Variants in AK9 observed in about 807,000 individuals in gnomAD.
AK9 encodes the protein adenylate kinase 9.
A neutral mutation model predicts 239.6 loss-of-function variants in AK9; 191 were observed. That is an observed-to-expected ratio of 0.80 (90% CI 0.71 to 0.90). The LOEUF is 0.90. AK9 is among the 40% of genes least tolerant of loss of function. The pLI is 0.00. For missense variants in AK9, 1,995 were observed against 2,214.7 expected (o/e 0.90, Z 1.99); for synonymous variants, 689 against 721.0 (o/e 0.96, Z 0.71).
At chr6:109,606,820 AAAATAATTT>A (rs1792945736) in intron 17 of AK9, among the ~76,000 whole-genome samples, 1 of 152,226 alleles carries the variant, frequency 6.6e-6, no homozygotes, top group Admixed American at 6.5e-5. Context: ...TGGTATGAAC[AAAATAATTT>A]CTGTGCATTC....
intron 8 of AK9, among the ~76,000 whole-genome samples, chr6:109,653,155 G>A (rs544875205): frequency 9.7e-4 from 148 of 152,266 alleles, no homozygotes; most frequent in African/African-American, 3.5e-3. Context: ...TCAAACTCCT[G>A]ACTTCAGGTG....
chr6:109,671,920 A>G lies in AK9; in HGVS notation c.330T>C (p.Phe110=). The G allele has an allele frequency of 6.2e-7, 1 of 1,613,184 alleles. No homozygotes were observed. ...GTAAATATATTAAAATAAACATACC[A>G]AAGTGACAGACTTCTGGGGAGTTGA... ...EKLNSPEVCH[F]GYIITEIPSL... is the part of the protein sequence containing the mutation. Residue 110 remains phenylalanine, a splice_region_variant and synonymous_variant, in exon 5 of 41, where the codon TTT becomes TTC. Transcript: ENST00000424296.
chr6:109,615,277 T>C (rs890767254), intron 13 of AK9, among the ~76,000 whole-genome samples: 2 of 151,618 alleles, frequency 1.3e-5, no homozygotes, highest in African/African-American at 4.8e-5. Flanking sequence ...TTTTTTGCCT[T>C]CTGCCTTCTA....
intron 32 of AK9, among the ~76,000 whole-genome samples, chr6:109,511,297 CAGTT>C (rs1381654058): frequency 6.6e-6 from 1 of 152,132 alleles, no homozygotes; most frequent in Non-Finnish European, 1.5e-5. Context: ...AGTTAGATCT[CAGTT>C]AATCCTCTAG....
At chr6:109,614,685 A>C (rs1793959420) in intron 13 of AK9, among the ~76,000 whole-genome samples, 1 of 152,064 alleles carries the variant, frequency 6.6e-6, no homozygotes, top group African/African-American at 2.4e-5. Context: ...AACTGAAAGC[A>C]CTGCTGTGAG....
At chr6:109,599,065 G>C (rs1199413272) in intron 17 of AK9, among the ~76,000 whole-genome samples, 1 of 152,176 alleles carries the variant, frequency 6.6e-6, no homozygotes, top group Non-Finnish European at 1.5e-5. Flanking sequence ...CTGGGCAGAA[G>C]CTCTTTAGTT....
intron 20 of AK9, among the ~76,000 whole-genome samples, chr6:109,577,738 A>G (rs116551493): frequency 0.029 from 4,374 of 152,110 alleles, 98 homozygotes; most frequent in East Asian, 0.11. Flanking sequence ...GAATTTATCC[A>G]TCTCCTCTAG....
intron 13 of AK9, 33 bp from the exon 14 acceptor site, chr6:109,614,513 C>T (rs6925005): frequency 0.045 from 69,503 of 1,528,208 alleles, 2,859 homozygotes; most frequent in African/African-American, 0.19. Context: ...GTTAGCAAAA[C>T]GTAGTTGGGG....
chr6:109,585,340 A>C, intron 18 of AK9, 103 bp from the exon 19 acceptor site: 2 of 431,806 alleles, frequency 4.6e-6, no homozygotes, highest in Non-Finnish European at 6.7e-6. Context: ...TTATATCTAA[A>C]TACATTTTCC....
chr6:109,620,452 C>T (rs1357141528), intron 12 of AK9, among the ~76,000 whole-genome samples: 1 of 152,012 alleles, frequency 6.6e-6, no homozygotes, highest in East Asian at 1.9e-4. Context: ...TCTCTTTAAG[C>T]ATATGTTCAG....
chr6:109,509,836 G>A (rs1162857345), intron 32 of AK9, among the ~76,000 whole-genome samples: 2 of 152,094 alleles, frequency 1.3e-5, no homozygotes, highest in Non-Finnish European at 2.9e-5. Flanking sequence ...GGAGCTCCCT[G>A]GGTGCAGCTT....
chr6:109,512,713 C>T (rs541550157), intron 32 of AK9, among the ~76,000 whole-genome samples: 4 of 145,976 alleles, frequency 2.7e-5, no homozygotes, highest in African/African-American at 9.8e-5. Flanking sequence ...TCATTGTGAC[C>T]ACCCACTGTT....
intron 17 of AK9, among the ~76,000 whole-genome samples, chr6:109,586,677 C>T (rs1354544291): frequency 1.3e-5 from 2 of 152,078 alleles, no homozygotes; most frequent in Non-Finnish European, 2.9e-5. Flanking sequence ...CTAAAAGGTA[C>T]TGAGATGGTT....
At position 109,563,599 on chromosome 6, in the gene AK9, C is replaced by A; in HGVS notation, c.2749G>T (p.Glu917Ter). 6.5e-7 allele frequency: 1 copy of A among 1,549,528 alleles called. No homozygotes were observed. ...GAGTAGAAATAAAAGAATCATGCCT[C>A]TTCCTCTTCCTCTTCCTCTAGCTCC... ...DEELEEEEEE[E>*]GEDKMKERKR... The change falls in exon 24 of 41, where the codon GAG becomes TAG. Residue 917 changes from glutamate (E) to a stop codon, truncating the protein, a stop_gained and splice_region_variant. Coordinates refer to ENST00000424296, the MANE Select transcript of AK9 (RefSeq NM_001145128.3). LOFTEE classifies it high-confidence loss of function.
intron 17 of AK9, among the ~76,000 whole-genome samples, chr6:109,593,357 T>C (rs1378594467): frequency 1.3e-5 from 2 of 152,012 alleles, no homozygotes; most frequent in African/African-American, 4.8e-5. Flanking sequence ...AGTTCTGAAA[T>C]TGAGGCAGTA....
chr6:109,685,625 G>A (rs905591112), intron 1 of AK9, among the ~76,000 whole-genome samples: 2 of 152,054 alleles, frequency 1.3e-5, no homozygotes, highest in African/African-American at 2.4e-5. Context: ...AATACCTAAC[G>A]TAGGTGATGG....
intron 13 of AK9, 134 bp from the exon 14 acceptor site, chr6:109,614,614 G>A: frequency 1.5e-6 from 1 of 678,914 alleles, no homozygotes; most frequent in Non-Finnish European, 2.5e-6. Flanking sequence ...TAAGGGCTGT[G>A]TGACTTTGGT....
At chr6:109,573,266 T>C (rs919677115) in intron 21 of AK9, among the ~76,000 whole-genome samples, 176 bp downstream of exon 21, 10 of 33,522 alleles carry the variant, frequency 3.0e-4, no homozygotes, top group African/African-American at 5.4e-4. Flanking sequence ...GAGCAGCCTC[T>C]GCTTTCCTAC....
intron 10 of AK9, among the ~76,000 whole-genome samples, chr6:109,635,949 G>A (rs1796659477): frequency 6.6e-6 from 1 of 152,098 alleles, no homozygotes; most frequent in Admixed American, 6.6e-5. Context: ...ATCACCATTG[G>A]TTCTAGGCAC....
Sources: allele counts gnomAD v4.1 joint callset (sites outside exome capture counted in the v4.1 genomes callset), GRCh38; gene constraint gnomAD v4.1.1; transcripts MANE v1.5; gene names NCBI Gene and HGNC (gene_info 2026-07-23, HGNC 2026-07-21).